Variants in PARD3B observed in about 807,000 individuals in gnomAD.
PARD3B encodes the protein partitioning defective 3 homolog B.
PARD3B carries 103 observed loss-of-function variants against 130.2 expected under a neutral mutation model. That is an observed-to-expected ratio of 0.79 (90% CI 0.67 to 0.93). PARD3B has a LOEUF of 0.93. PARD3B is among the 40% of genes least tolerant of loss of function. PARD3B has a pLI of 0.00. For missense variants in PARD3B, 1,609 were observed against 1,499.2 expected (o/e 1.07, Z -1.21); for synonymous variants, 583 against 553.2 (o/e 1.05, Z -0.76).
At chr2:205,086,560 A>G (rs1328050225) in intron 4 of PARD3B, among the ~76,000 whole-genome samples, 1 of 152,192 alleles carries the variant, frequency 6.6e-6, no homozygotes, top group Non-Finnish European at 1.5e-5. Flanking sequence ...TTACTGTGAC[A>G]GTATTTTGGT....
chr2:205,510,061 A>G (rs909729484), intron 21 of PARD3B, among the ~76,000 whole-genome samples: 10 of 152,254 alleles, frequency 6.6e-5, no homozygotes, highest in Admixed American at 2.6e-4. Context: ...GAAGCATTTT[A>G]GCACAGGAGA....
chr2:205,447,875 C>T (rs918497610), intron 20 of PARD3B, among the ~76,000 whole-genome samples: 2 of 152,154 alleles, frequency 1.3e-5, no homozygotes, highest in Non-Finnish European at 2.9e-5. Context: ...TTTTTACCCA[C>T]CCAAACACTG....
intron 19 of PARD3B, among the ~76,000 whole-genome samples, chr2:205,417,231 C>G (rs1292533136): frequency 6.6e-6 from 1 of 152,044 alleles, no homozygotes; most frequent in Admixed American, 6.6e-5. Flanking sequence ...TTTCCAGCTT[C>G]ATCCATGTCC....
rs868845002 is a variant in PARD3B, at chr2:204,913,105, C to G, written c.223-52047C>G. ...GATGCGATATTGCATTTAATATGTT[C>G]ACAGGAGACACTTTACCTCACTAAT... On this transcript the variant is annotated intron_variant, in intron 2 of 22. Transcript: ENST00000406610. 6.6e-5 allele frequency among the ~76,000 whole-genome samples: 10 copies of G among 152,268 alleles called. No homozygotes were observed. In the Middle Eastern group the frequency reaches 0.01, roughly 156 times the overall value.
At chr2:205,313,553 G>T (rs963010113) in intron 18 of PARD3B, among the ~76,000 whole-genome samples, 4 of 152,098 alleles carry the variant, frequency 2.6e-5, no homozygotes, top group African/African-American at 9.7e-5. Context: ...GTCCAAAGCG[G>T]TAAAATGATT....
At chr2:204,663,651 T>TGAAA (rs1447347008) in intron 1 of PARD3B, among the ~76,000 whole-genome samples, 1 of 152,216 alleles carries the variant, frequency 6.6e-6, no homozygotes, top group Non-Finnish European at 1.5e-5. Context: ...TTCTGTGAGG[T>TGAAA]GAGCTACCTC....
chr2:205,402,421 T>G (rs1280720108), intron 19 of PARD3B, among the ~76,000 whole-genome samples: 1 of 152,224 alleles, frequency 6.6e-6, no homozygotes, highest in Non-Finnish European at 1.5e-5. Flanking sequence ...GCTGCTCCCT[T>G]GACTTCTCTT....
intron 1 of PARD3B, among the ~76,000 whole-genome samples, chr2:204,593,875 G>T (rs527814675): frequency 6.0e-4 from 92 of 152,190 alleles, no homozygotes; most frequent in African/African-American, 2.1e-3. Flanking sequence ...ACTTTTGTGG[G>T]GACCTCTGAG....
rs536557363 is a variant in PARD3B at position 205,015,405 on chromosome 2, C to T, written c.395-32176C>T. Reference sequence around the variant, plus strand: ...CATGTATAAGTGAACCTGCGCAGCTCGAACCTGTGTTGTTCAAGGGTCAAC... The same window carrying T: ...CATGTATAAGTGAACCTGCGCAGCTTGAACCTGTGTTGTTCAAGGGTCAAC... On this transcript the variant is annotated intron_variant, in intron 3 of 22. Transcript: ENST00000406610. This position sits in a 1 kb window ranked among gnomAD's most constrained non-coding sequence, Gnocchi z 4.5. Among the ~76,000 whole-genome samples the T allele has an allele frequency of 1.3e-4, 20 of 152,072 alleles. No individual in the cohort carries two copies. Among genetic ancestry groups the T allele is most frequent in the Non-Finnish European group, 2.6e-4 (18 of 68,026 alleles).
At chr2:204,602,220 CT>C (rs1351666366) in intron 1 of PARD3B, among the ~76,000 whole-genome samples, 3 of 152,038 alleles carry the variant, frequency 2.0e-5, no homozygotes, top group Non-Finnish European at 4.4e-5. Flanking sequence ...TGTGCAAACA[CT>C]TTGTTGATCT....
intron 4 of PARD3B, among the ~76,000 whole-genome samples, chr2:205,068,199 T>C (rs567209696): frequency 6.6e-6 from 1 of 152,204 alleles, no homozygotes; most frequent in Non-Finnish European, 1.5e-5. Context: ...AGAAGATGAC[T>C]TACTCAGATT....
At chr2:204,663,563 T>C (rs2035907354) in intron 1 of PARD3B, among the ~76,000 whole-genome samples, 1 of 152,106 alleles carries the variant, frequency 6.6e-6, no homozygotes, top group Non-Finnish European at 1.5e-5. Context: ...GGATAGGAGG[T>C]GAAGTATTTG....
intron 2 of PARD3B, among the ~76,000 whole-genome samples, chr2:204,743,625 C>T (rs1196499050): frequency 3.3e-5 from 5 of 152,116 alleles, no homozygotes; most frequent in Non-Finnish European, 5.9e-5. Context: ...GGGTTTCTAA[C>T]TTCCTTCTTA....
chr2:204,646,536 C>G (rs2035280230), intron 1 of PARD3B, among the ~76,000 whole-genome samples: 1 of 151,940 alleles, frequency 6.6e-6, no homozygotes, highest in South Asian at 2.1e-4. Context: ...CTCTTGATGA[C>G]CATTTGTGTT....
At chr2:204,803,162 A>T (rs2042637640) in intron 2 of PARD3B, among the ~76,000 whole-genome samples, 1 of 125,128 alleles carries the variant, frequency 8.0e-6, no homozygotes, top group Non-Finnish European at 1.7e-5. Context: ...AAAAAAAAAA[A>T]AATATATATA....
chr2:204,861,975 T>G (rs1310216649), intron 2 of PARD3B, among the ~76,000 whole-genome samples: 1 of 149,452 alleles, frequency 6.7e-6, no homozygotes, highest in African/African-American at 2.5e-5. Context: ...GTTTTGTCAC[T>G]TAAAGGGCAA....
intron 4 of PARD3B, among the ~76,000 whole-genome samples, chr2:205,066,120 G>GA (rs770766274): frequency 1.3e-5 from 2 of 152,124 alleles, no homozygotes; most frequent in Non-Finnish European, 2.9e-5. Flanking sequence ...GTAACTAACT[G>GA]ACATTCACCA....
chr2:204,796,443 T>G (rs2042378853), intron 2 of PARD3B, among the ~76,000 whole-genome samples: 1 of 152,174 alleles, frequency 6.6e-6, no homozygotes, highest in Non-Finnish European at 1.5e-5. Flanking sequence ...AGAAAGAAAT[T>G]TCTTCATCCC....
chr2:205,567,826 G>A (rs989789173), intron 22 of PARD3B, among the ~76,000 whole-genome samples: 21 of 151,746 alleles, frequency 1.4e-4, no homozygotes, highest in Admixed American at 7.9e-4. Context: ...CATTGGAAGC[G>A]GAGTGAGGAA....
Sources: allele counts gnomAD v4.1 joint callset (sites outside exome capture counted in the v4.1 genomes callset), GRCh38; gene constraint gnomAD v4.1.1; non-coding constraint Gnocchi (gnomAD v3.1); transcripts MANE v1.5; gene names NCBI Gene and HGNC (gene_info 2026-07-23, HGNC 2026-07-21).